Variants in SART1 observed in about 807,000 individuals in gnomAD.
The protein encoded by SART1 is spliceosome associated factor 1, recruiter of U4/U6.U5 tri-snRNP, also known as U4/U6.U5 tri-snRNP-associated protein 1.
SART1 carries 28 observed loss-of-function variants against 105.0 expected under a neutral mutation model. The observed-to-expected ratio is 0.27, with a 90% confidence interval of 0.20 to 0.37. SART1 has a LOEUF of 0.37. SART1 is among the 10% of genes least tolerant of loss of function. The pLI, the probability that SART1 is intolerant of heterozygous loss-of-function variation, is 1.00. For synonymous variants in SART1, 472 were observed against 462.9 expected, an observed-to-expected ratio of 1.02 and a Z score of -0.25; for missense variants, 894 against 1,106.5, an observed-to-expected ratio of 0.81 and a Z score of 2.72.
Position 65,965,690 on chromosome 11 carries a change from C to G in SART1, c.661-12C>G, listed in dbSNP as rs765480531. The G allele has an allele frequency of 1.2e-6, 2 of 1,612,512 alleles. No individual in the cohort carries two copies. The highest frequency in any genetic ancestry group is 1.7e-6 in the Non-Finnish European group (2 of 1,179,190). On this transcript the variant is annotated splice_polypyrimidine_tract_variant and intron_variant, in intron 5 of 19. Coordinates refer to ENST00000312397, the MANE Select transcript of SART1 (RefSeq NM_005146.5). Reference sequence around the variant, plus strand: ...GGCCTGAAGTCCTAGGTCACCCCTCCCTGTCCCGTAGGCCAAGTTACTGGA... The same window carrying G: ...GGCCTGAAGTCCTAGGTCACCCCTCGCTGTCCCGTAGGCCAAGTTACTGGA...
intron 12 of SART1, among the ~76,000 whole-genome samples, chr11:65,969,265 G>A (rs1031333919): frequency 3.9e-5 from 6 of 152,206 alleles, no homozygotes; most frequent in African/African-American, 1.2e-4. Context: ...GTGAGTGGGC[G>A]TGGCTGGGTT....
chr11:65,974,693 A>G (rs1214034802), intron 12 of SART1, among the ~76,000 whole-genome samples: 1 of 152,028 alleles, frequency 6.6e-6, no homozygotes, highest in African/African-American at 2.4e-5. Flanking sequence ...TAAGTAGCAT[A>G]TGATGCATTA....
At position 65,976,956 on chromosome 11, in the gene SART1, G is replaced by C; in HGVS notation, c.1858-58G>C. On this transcript the variant is annotated intron_variant, in intron 14 of 19. Coordinates refer to ENST00000312397, the MANE Select transcript of SART1 (RefSeq NM_005146.5). The surrounding 1 kb of genome is among the most constrained non-coding windows in gnomAD (Gnocchi z 5.1). ...GGTGCCTGGCAGGTGGTGACCAGTG[G>C]GTGGGGCTGAGAAGAGCCGGTATGG... is the stretch of plus-strand genomic sequence containing the variant. The C allele has an allele frequency of 7.1e-7, 1 of 1,407,848 alleles. No individual in the cohort carries two copies. Among genetic ancestry groups the C allele is most frequent in the Admixed American group, 1.7e-5 (1 of 59,432 alleles). 87.2% of individuals were successfully genotyped at this position (1,407,848 alleles called of 1,614,324 possible).
intron 12 of SART1, among the ~76,000 whole-genome samples, chr11:65,968,106 G>C (rs1855299733): frequency 1.3e-5 from 2 of 152,112 alleles, no homozygotes; most frequent in Admixed American, 6.5e-5. Flanking sequence ...CACGCCACCA[G>C]ACCCGGCTAA....
At chr11:65,972,362 C>G (rs1158661211) in intron 12 of SART1, among the ~76,000 whole-genome samples, 4 of 152,024 alleles carry the variant, frequency 2.6e-5, no homozygotes, top group African/African-American at 2.4e-5. Flanking sequence ...AGTCAGTTAT[C>G]TATTTGGGGA....
Position 65,979,096 on chromosome 11 carries a change from C to T in SART1, c.*66C>T, listed in dbSNP as rs1244173294. The T allele has an allele frequency of 8.1e-6, 13 of 1,601,422 alleles. No individual in the cohort carries two copies. The highest frequency in any genetic ancestry group is 5.4e-5 in the African/African-American group (4 of 74,578). On this transcript the variant is annotated 3_prime_UTR_variant, in exon 20 of 20. Coordinates refer to ENST00000312397, the MANE Select transcript of SART1 (RefSeq NM_005146.5). Reference sequence around the variant, plus strand: ...AAATAAAGCTCCCTCCTTATTTTTTCCTCCCTGGTCGTGGTACAGATTCCA... The same window carrying T: ...AAATAAAGCTCCCTCCTTATTTTTTTCTCCCTGGTCGTGGTACAGATTCCA...
intron 12 of SART1, 29 bp downstream of exon 12, chr11:65,967,850 CG>C: frequency 6.8e-7 from 1 of 1,467,148 alleles, no homozygotes. Context: ...AGGGTGACTG[CG>C]TCAGCAGTCA....
intron 1 of SART1, 104 bp from the exon 2 acceptor site, chr11:65,963,970 G>A: frequency 1.1e-6 from 1 of 912,590 alleles, no homozygotes; most frequent in Non-Finnish European, 1.7e-6. Flanking sequence ...AGCAGGCCCA[G>A]GTGCTGGTGA....
chr11:65,964,667 G>C (rs973568012), intron 3 of SART1, 97 bp downstream of exon 3: 120 of 1,240,038 alleles, frequency 9.7e-5, no homozygotes, highest in Non-Finnish European at 9.4e-5. Context: ...GCACTGTTTA[G>C]TGGTCTTACA....
In SART1 at chr11:65,976,555, A is replaced by G. The variant is rs1439053488; in HGVS notation, c.1733A>G (p.Gln578Arg). ...GGGCTGGCTGGCAATCGCGAGGAGC[A>G]GGAGGAGCTCATGGTGCGTCTGGGG... Reference protein sequence around the residue: ...TYGLAGNREEQEELMDFERDE... With the variant: ...TYGLAGNREEREELMDFERDE... The change falls in exon 13 of 20, where the codon CAG becomes CGG. Residue 578 changes from glutamine (Q) to arginine (R), a missense_variant. Gln to Arg is a conservative substitution (Grantham distance 43). Coordinates refer to ENST00000312397, the MANE Select transcript of SART1 (RefSeq NM_005146.5). The surrounding 1 kb of genome is among the most constrained non-coding windows in gnomAD (Gnocchi z 5.1). The G allele has an allele frequency of 3.1e-6, 5 of 1,611,904 alleles. No individual in the cohort carries two copies. Among genetic ancestry groups the G allele is most frequent in the Non-Finnish European group, 4.2e-6 (5 of 1,178,960 alleles).
At chr11:65,962,118 G>A in intron 1 of SART1, 25 bp downstream of exon 1, 3 of 1,105,558 alleles carry the variant, frequency 2.7e-6, no homozygotes, top group Non-Finnish European at 3.7e-6. Flanking sequence ...CCTGCGCAGG[G>A]GGCGGGTCGG....
Position 65,979,678 on chromosome 11 carries a change from A to G in SART1, c.*648A>G, listed in dbSNP as rs911530067. The G allele has an allele frequency of 2.0e-5, 3 of 152,270 alleles. No individual in the cohort carries two copies. The highest frequency in any genetic ancestry group is 2.9e-5 in the Non-Finnish European group (2 of 68,128). The allele number at this position is 152,270 out of a possible 1,614,324, so 9.4% of individuals were successfully genotyped here. On this transcript the variant is annotated 3_prime_UTR_variant, in exon 20 of 20. Transcript: ENST00000312397. Reference sequence around the variant, plus strand: ...TGGGGGACATGTGAGCCTCAAATCCATAGAAAGACAAACGGCCACCTTGGG... The same window carrying G: ...TGGGGGACATGTGAGCCTCAAATCCGTAGAAAGACAAACGGCCACCTTGGG...
At chr11:65,973,437 G>C (rs1483730656) in intron 12 of SART1, among the ~76,000 whole-genome samples, 1 of 152,174 alleles carries the variant, frequency 6.6e-6, no homozygotes, top group Non-Finnish European at 1.5e-5. Context: ...AGTTTCAGGA[G>C]GGATCACAGA....
chr11:65,976,631 C>T lies in SART1; in HGVS notation c.1747-25C>T, dbSNP rs550151264. 6.2e-7 allele frequency: 1 copy of T among 1,613,146 alleles called. No individual in the cohort carries two copies. Among genetic ancestry groups the T allele is most frequent in the African/African-American group, 1.3e-5 (1 of 75,054 alleles). On this transcript the variant is annotated intron_variant, in intron 13 of 19. Coordinates refer to ENST00000312397, the MANE Select transcript of SART1 (RefSeq NM_005146.5). The surrounding 1 kb of genome is among the most constrained non-coding windows in gnomAD (Gnocchi z 5.1). Reference sequence around the variant, plus strand: ...CTGGGTGGGCTGGCTGGGGCCTGGGCCGACCCTGGTCTTTTGTGCCCCAGG... The same window carrying T: ...CTGGGTGGGCTGGCTGGGGCCTGGGTCGACCCTGGTCTTTTGTGCCCCAGG...
At position 65,979,328 on chromosome 11, in the gene SART1, C is replaced by T. The variant is rs1855545643; in HGVS notation, c.*298C>T. The T allele has an allele frequency of 3.7e-6, 2 of 539,084 alleles. No homozygotes were observed. The highest frequency in any genetic ancestry group is 4.3e-5 in the South Asian group (2 of 47,036). The allele number at this position is 539,084 out of a possible 1,614,324, so 33.4% of individuals were successfully genotyped here. A position where few individuals can be genotyped will look rare whatever the true frequency, so the allele number is the denominator to read the frequency against. On this transcript the variant is annotated 3_prime_UTR_variant, in exon 20 of 20. Transcript: ENST00000312397. ...GAAGGCGGTTTTAGAAACTCATCAC[C>T]CTGCTCTCTCCTGGCCTCGGGGGCT...
intron 9 of SART1, among the ~76,000 whole-genome samples, chr11:65,966,820 G>A (rs1855268887): frequency 6.6e-6 from 1 of 152,194 alleles, no homozygotes. Context: ...TGAGCCTGGG[G>A]CACCCCATCT....
chr11:65,964,430 C>T (rs1374303345), intron 2 of SART1, 85 bp from the exon 3 acceptor site: 3 of 1,507,704 alleles, frequency 2.0e-6, no homozygotes, highest in Middle Eastern at 1.7e-4. Context: ...TCACTCCCAC[C>T]CTGTTTCTCC....
At chr11:65,967,628 C>T in intron 11 of SART1, 42 bp downstream of exon 11, 2 of 1,601,458 alleles carry the variant, frequency 1.2e-6, no homozygotes. Flanking sequence ...GGGACAGGAG[C>T]CGCGGGTTGG....
chr11:65,966,649 T>G (rs954085119), intron 9 of SART1, 93 bp downstream of exon 9: 1 of 1,356,052 alleles, frequency 7.4e-7, no homozygotes, highest in Non-Finnish European at 9.7e-7. Flanking sequence ...ACAGGGCGAG[T>G]ATTTGTGTTC....
Sources: gnomAD v4.1 joint callset for allele counts (sites outside exome capture counted in the v4.1 genomes callset) on GRCh38, gnomAD v4.1.1 for gene constraint, Gnocchi (gnomAD v3.1) non-coding constraint, MANE v1.5 for transcripts, NCBI Gene and HGNC (gene_info 2026-07-23, HGNC 2026-07-21) for gene names.